ATP8B4: variants seen among roughly 807,000 people sequenced by gnomAD.
ATP8B4 encodes the protein probable phospholipid-transporting ATPase IM.
ATP8B4 carries 133 observed loss-of-function variants against 145.6 expected under a neutral mutation model. The ratio of observed to expected loss-of-function variants is 0.91; its 90% CI spans 0.79 to 1.05. The LOEUF (loss-of-function observed/expected upper bound fraction) is 1.05. ATP8B4 is among the 50% of genes least tolerant of loss of function. The probability of loss-of-function intolerance (pLI) is 0.00; values close to 1 mark genes in which losing one functional copy is unlikely to be tolerated. For synonymous variants in ATP8B4, 507 were observed against 492.9 expected, an observed-to-expected ratio of 1.03 and a Z score of -0.38; for missense variants, 1,458 against 1,425.2, an observed-to-expected ratio of 1.02 and a Z score of -0.37.
chr15:50,126,503 G>A (rs1034977188), intron 1 of ATP8B4, among the ~76,000 whole-genome samples: 4 of 152,140 alleles, frequency 2.6e-5, no homozygotes, highest in Non-Finnish European at 5.9e-5. Context: ...GTGGAGGTCC[G>A]AGTTTCTGAA....
At chr15:49,977,286 G>A (rs1215646983) in intron 12 of ATP8B4, among the ~76,000 whole-genome samples, 4 of 152,034 alleles carry the variant, frequency 2.6e-5, no homozygotes, top group South Asian at 2.1e-4. Flanking sequence ...CTTTAGGACC[G>A]AGAAACCTGA....
chr15:50,151,999 A>G (rs550985111), intron 1 of ATP8B4, among the ~76,000 whole-genome samples: 19 of 152,308 alleles, frequency 1.2e-4, no homozygotes, highest in Admixed American at 6.5e-4. Flanking sequence ...GATAAAAGTC[A>G]TAAAAGCATT....
chr15:50,012,968 A>G (rs1359075399), intron 6 of ATP8B4, among the ~76,000 whole-genome samples: 2 of 152,154 alleles, frequency 1.3e-5, no homozygotes, highest in East Asian at 3.9e-4. Context: ...GATCATAGCA[A>G]CAGAAGTACC....
chr15:50,065,480 GT>G (rs562428668), intron 3 of ATP8B4, among the ~76,000 whole-genome samples: 4 of 152,070 alleles, frequency 2.6e-5, no homozygotes, highest in Admixed American at 2.6e-4. Flanking sequence ...GGGGTTAGTG[GT>G]TTTTTTCCGT....
intron 1 of ATP8B4, among the ~76,000 whole-genome samples, chr15:50,155,052 A>G (rs2044394046): frequency 6.6e-6 from 1 of 152,150 alleles, no homozygotes; most frequent in Non-Finnish European, 1.5e-5. Flanking sequence ...ACCATTATGC[A>G]TAGATTACTT....
intron 20 of ATP8B4, among the ~76,000 whole-genome samples, chr15:49,905,400 A>G (rs1424752802): frequency 1.3e-5 from 2 of 152,238 alleles, no homozygotes; most frequent in African/African-American, 4.8e-5. Context: ...TATGATTTCA[A>G]TATTTCATCC....
intron 1 of ATP8B4, among the ~76,000 whole-genome samples, chr15:50,117,897 G>A (rs1332062086): frequency 6.6e-6 from 1 of 152,178 alleles, no homozygotes; most frequent in African/African-American, 2.4e-5. Flanking sequence ...AATAAGCCAG[G>A]CACAGAAAGA....
intron 3 of ATP8B4, among the ~76,000 whole-genome samples, chr15:50,061,317 A>C (rs1345013084): frequency 2.0e-5 from 3 of 152,198 alleles, no homozygotes; most frequent in Non-Finnish European, 4.4e-5. Context: ...TTCCACAGGA[A>C]TGTGGAAGCA....
intron 14 of ATP8B4, among the ~76,000 whole-genome samples, chr15:49,954,321 A>G (rs758654888): frequency 6.6e-6 from 1 of 152,194 alleles, no homozygotes; most frequent in Non-Finnish European, 1.5e-5. Flanking sequence ...CAGCAACAAA[A>G]CAATTGATAA....
At chr15:50,128,165 C>A (rs74015203) in intron 1 of ATP8B4, among the ~76,000 whole-genome samples, 8,448 of 152,304 alleles carry the variant, frequency 0.055, 267 homozygotes, top group African/African-American at 0.085. Flanking sequence ...GGAGTTAAGT[C>A]ATGCCAGAGA....
At chr15:50,144,915 T>C (rs1032931608) in intron 1 of ATP8B4, among the ~76,000 whole-genome samples, 7 of 152,230 alleles carry the variant, frequency 4.6e-5, no homozygotes, top group South Asian at 2.1e-4. Context: ...TCTACACTTA[T>C]GGAAGCAGTT....
At chr15:49,926,089 T>C (rs1171690840) in intron 16 of ATP8B4, among the ~76,000 whole-genome samples, 1 of 152,068 alleles carries the variant, frequency 6.6e-6, no homozygotes, top group Non-Finnish European at 1.5e-5. Context: ...AACTGCATCA[T>C]TTCTATGGCT....
At chr15:50,157,737 T>TCCTCTC (rs145471795) in intron 1 of ATP8B4, among the ~76,000 whole-genome samples, 1 of 151,226 alleles carries the variant, frequency 6.6e-6, no homozygotes, top group African/African-American at 2.4e-5. Context: ...TTCTTCTTCT[T>TCCTCTC]CCTCTCCCTC....
intron 14 of ATP8B4, among the ~76,000 whole-genome samples, chr15:49,935,973 C>T (rs562398868): frequency 6.6e-6 from 1 of 152,142 alleles, no homozygotes; most frequent in Admixed American, 6.6e-5. Flanking sequence ...CTCCTCTTCA[C>T]TTCTCCCTCC....
chr15:50,128,594 G>A (rs373285617), intron 1 of ATP8B4, among the ~76,000 whole-genome samples: 4 of 152,350 alleles, frequency 2.6e-5, no homozygotes, highest in African/African-American at 4.8e-5. Context: ...AGAGAAGCAG[G>A]AGAGGAGAGG....
chr15:49,917,136 A>G (rs908209321), intron 19 of ATP8B4, 97 bp from the exon 20 acceptor site: 2 of 1,151,406 alleles, frequency 1.7e-6, no homozygotes, highest in Non-Finnish European at 2.5e-6. Context: ...ATTTTCTTAA[A>G]GCCTACAGGG....
intron 1 of ATP8B4, among the ~76,000 whole-genome samples, chr15:50,150,446 C>G (rs557419938): frequency 1.3e-5 from 2 of 152,288 alleles, no homozygotes; most frequent in Non-Finnish European, 2.9e-5. Context: ...TCTCCAAAAG[C>G]ATCACTGATC....
At chr15:50,136,442 A>C (rs2044122011) in intron 1 of ATP8B4, among the ~76,000 whole-genome samples, 2 of 152,212 alleles carry the variant, frequency 1.3e-5, no homozygotes, top group Non-Finnish European at 1.5e-5. Flanking sequence ...CAGTCAGTTC[A>C]CCACTCATAC....
intron 14 of ATP8B4, among the ~76,000 whole-genome samples, chr15:49,941,421 C>G (rs951687279): frequency 3.3e-5 from 5 of 152,092 alleles, no homozygotes; most frequent in Non-Finnish European, 7.4e-5. Context: ...CAAGGTAACA[C>G]CTAATCACAT....
Sources: gnomAD v4.1 joint callset for allele counts (sites outside exome capture counted in the v4.1 genomes callset) on GRCh38, gnomAD v4.1.1 for gene constraint, MANE v1.5 for transcripts, NCBI Gene and HGNC (gene_info 2026-07-23, HGNC 2026-07-21) for gene names.